Variants in ANKRD17 observed in about 807,000 individuals in gnomAD.
ANKRD17 encodes the protein ankyrin repeat domain 17, also known as ankyrin repeat domain-containing protein 17.
Under a neutral mutation model 229.7 loss-of-function variants are expected in ANKRD17, and 19 were observed. The ratio of observed to expected loss-of-function variants is 0.08; its 90% CI spans 0.06 to 0.12. The LOEUF is 0.12. Among genes scored for constraint, ANKRD17 ranks in the 10% least tolerant of loss-of-function variants. The pLI, the probability that ANKRD17 is intolerant of heterozygous loss-of-function variation, is 1.00. For missense variants in ANKRD17, 2,176 were observed against 3,176.8 expected (o/e 0.68, Z 7.57); for synonymous variants, 1,112 against 1,146.1 (o/e 0.97, Z 0.60).
chr4:73,200,987 C>G (rs370447223), intron 1 of ANKRD17, among the ~76,000 whole-genome samples: 126 of 39,366 alleles, frequency 3.2e-3, no homozygotes, highest in Non-Finnish European at 3.5e-3. Flanking sequence ...ACAGTATGGG[C>G]GGGGGGGGGG....
chr4:73,245,445 A>C (rs1246100635), intron 1 of ANKRD17, among the ~76,000 whole-genome samples: 1 of 152,170 alleles, frequency 6.6e-6, no homozygotes, highest in Non-Finnish European at 1.5e-5. Flanking sequence ...TGAGACTCCA[A>C]ACAGCAGCTG....
Position 73,098,260 on chromosome 4 carries a change from C to A in ANKRD17, c.4834G>T (p.Gly1612Trp). 6.2e-7 allele frequency: 1 copy of A among 1,614,220 alleles called. No individual in the cohort carries two copies. Among genetic ancestry groups the A allele is most frequent in the Non-Finnish European group, 8.5e-7 (1 of 1,180,042 alleles). ...ESKSSSTSES[G>W]DSDNMRISSC... is the part of the protein sequence containing the mutation. ...GAAATCCTCATGTTATCACTGTCCC[C>A]ACTCTCGCTGGTACTGCTGCTCTTG... The change falls in exon 26 of 34, where the codon GGG becomes TGG. Residue 1612 changes from glycine (G) to tryptophan (W), a missense_variant. Coordinates refer to ENST00000358602, the MANE Select transcript of ANKRD17 (RefSeq NM_032217.5).
intron 2 of ANKRD17, among the ~76,000 whole-genome samples, chr4:73,166,912 T>TA (rs1733307949): frequency 6.6e-6 from 1 of 152,146 alleles, no homozygotes; most frequent in African/African-American, 2.4e-5. Flanking sequence ...AAACCAACTG[T>TA]AAAAAGACAG....
intron 16 of ANKRD17, among the ~76,000 whole-genome samples, chr4:73,125,745 A>AGAAAAG: frequency 6.9e-6 from 1 of 144,476 alleles, no homozygotes; most frequent in South Asian, 2.2e-4. Flanking sequence ...AAAAAAAAAA[A>AGAAAAG]AAAAGAAAAG....
intron 18 of ANKRD17, 67 bp downstream of exon 18, chr4:73,124,846 A>C (rs189752824): frequency 1.9e-6 from 3 of 1,550,182 alleles, no homozygotes; most frequent in African/African-American, 1.4e-5. Context: ...AGAAAAAATA[A>C]TATAAGTGAA....
In ANKRD17 at chr4:73,258,602, C is replaced by A. The variant is rs1482881037; in HGVS notation, c.67G>T (p.Val23Leu). The A allele has an allele frequency of 2.0e-6, 3 of 1,476,528 alleles. No homozygotes were observed. Among genetic ancestry groups the A allele is most frequent in the Non-Finnish European group, 2.7e-6 (3 of 1,124,048 alleles). 91.5% of individuals were successfully genotyped at this position (1,476,528 alleles called of 1,614,324 possible). Reference sequence around the variant, plus strand: ...GCGGGGGGGCCCGCCACAGCCGCCACCGCCGGGGGGCTCCCTTCTCCTTCT... The same window carrying A: ...GCGGGGGGGCCCGCCACAGCCGCCAACGCCGGGGGGCTCCCTTCTCCTTCT... Reference protein sequence around the residue: ...AAEGEGSPPAVAAVAGPPAAA... With the variant: ...AAEGEGSPPALAAVAGPPAAA... Residue 23 changes from valine (V) to leucine (L), a missense_variant, in exon 1 of 34, where the codon GTG (valine) becomes TTG (leucine). By Grantham distance (32) the Val-to-Leu change is conservative. This residue lies in a region of ANKRD17 where 196 missense variants were observed against 190.0 expected (regional missense o/e 1.03). Transcript: ENST00000358602.
intron 3 of ANKRD17, among the ~76,000 whole-genome samples, chr4:73,158,774 G>A (rs1255345478): frequency 6.6e-6 from 1 of 152,102 alleles, no homozygotes; most frequent in East Asian, 1.9e-4. Flanking sequence ...AGTGAGACTG[G>A]GTAGGCTTTA....
At chr4:73,136,255 A>G (rs1728881933) in intron 15 of ANKRD17, among the ~76,000 whole-genome samples, 1 of 152,160 alleles carries the variant, frequency 6.6e-6, no homozygotes, top group South Asian at 2.1e-4. Flanking sequence ...TTGACTGGTC[A>G]ACAGTACTGT....
intron 24 of ANKRD17, among the ~76,000 whole-genome samples, chr4:73,109,757 C>T (rs188864851): frequency 4.1e-4 from 62 of 151,668 alleles, no homozygotes; most frequent in Non-Finnish European, 1.3e-4. Context: ...TGTTTTTTCT[C>T]GACACGTTTA....
chr4:73,117,967 T>C (rs1432782192), intron 22 of ANKRD17, among the ~76,000 whole-genome samples: 3 of 152,220 alleles, frequency 2.0e-5, no homozygotes, highest in Non-Finnish European at 4.4e-5. Flanking sequence ...GGTAGTGGCA[T>C]TTTCATTATT....
intron 29 of ANKRD17, among the ~76,000 whole-genome samples, chr4:73,086,042 A>C (rs969856866): frequency 1.3e-5 from 2 of 152,172 alleles, no homozygotes; most frequent in Non-Finnish European, 2.9e-5. Flanking sequence ...AACAATTATC[A>C]CATTATACTC....
chr4:73,084,241 G>T (rs1228737550), intron 30 of ANKRD17, among the ~76,000 whole-genome samples: 1 of 152,062 alleles, frequency 6.6e-6, no homozygotes, highest in Non-Finnish European at 1.5e-5. Flanking sequence ...AGCCAGGTGT[G>T]GTAGCACATG....
intron 1 of ANKRD17, among the ~76,000 whole-genome samples, chr4:73,201,130 TCA>T (rs1738623776): frequency 1.3e-5 from 2 of 151,052 alleles, no homozygotes; most frequent in Non-Finnish European, 3.0e-5. Context: ...ACATAAAAAG[TCA>T]CAAAGAATAA....
At chr4:73,184,588 CCATA>C (rs1241957214) in intron 1 of ANKRD17, among the ~76,000 whole-genome samples, 2 of 144,226 alleles carry the variant, frequency 1.4e-5, no homozygotes, top group Non-Finnish European at 3.0e-5. Context: ...TTAACTGATA[CCATA>C]CATACAAACT....
At chr4:73,135,361 AAT>A (rs1728759501) in intron 15 of ANKRD17, 96 bp from the exon 16 acceptor site, 6 of 1,244,592 alleles carry the variant, frequency 4.8e-6, no homozygotes, top group South Asian at 4.7e-5. Flanking sequence ...TTCTTAAAAC[AAT>A]ATGTCTACAG....
intron 1 of ANKRD17, among the ~76,000 whole-genome samples, chr4:73,199,225 G>A (rs1470282498): frequency 7.5e-5 from 10 of 133,100 alleles, no homozygotes; most frequent in Admixed American, 7.2e-4. Flanking sequence ...GTTTGGCTGT[G>A]TGTGTGTGTG....
chr4:73,202,444 T>C (rs1222585417), intron 1 of ANKRD17, among the ~76,000 whole-genome samples: 4 of 149,814 alleles, frequency 2.7e-5, no homozygotes, highest in African/African-American at 7.4e-5. Flanking sequence ...CTAGGGAGAA[T>C]TGGGAAAAGA....
chr4:73,236,575 G>A (rs1438169756), intron 1 of ANKRD17, among the ~76,000 whole-genome samples: 1 of 151,998 alleles, frequency 6.6e-6, no homozygotes, highest in Non-Finnish European at 1.5e-5. Flanking sequence ...AGTAAATGTT[G>A]GAGGAGAATA....
chr4:73,098,998 C>A lies in ANKRD17; in HGVS notation c.4574-478G>T. ...TGCCAACACCTAAGAGACCTTGGGG[C>A]CAACCAAAGGGAAGCAAAAACAAGG... is the stretch of plus-strand genomic sequence containing the variant. On this transcript the variant is annotated intron_variant, in intron 25 of 33. Transcript: ENST00000358602. 2 of 980,268 alleles carry A rather than the reference C, an allele frequency of 2.0e-6. 1 individual carries two copies. Among genetic ancestry groups the A allele is most frequent in the South Asian group, 2.6e-5 (2 of 77,114 alleles). 60.7% of individuals were successfully genotyped at this position (980,268 alleles called of 1,614,324 possible).
Sources: gnomAD v4.1 joint callset for allele counts (sites outside exome capture counted in the v4.1 genomes callset) on GRCh38, gnomAD v4.1.1 for gene constraint, gnomAD v4.1.1 regional missense constraint, MANE v1.5 for transcripts, NCBI Gene and HGNC (gene_info 2026-07-23, HGNC 2026-07-21) for gene names.